Variants in DNAH3 observed in about 807,000 individuals in gnomAD.
The protein encoded by DNAH3 is axonemal beta dynein heavy chain 3.
Under a neutral mutation model 432.5 loss-of-function variants are expected in DNAH3, and 332 were observed. That is an observed-to-expected ratio of 0.77 (90% CI 0.70 to 0.84). The LOEUF (loss-of-function observed/expected upper bound fraction) is 0.84, where lower values mean the gene tolerates loss of function less well. Ranked by LOEUF, DNAH3 falls within the 40% of genes least tolerant of loss-of-function variation. DNAH3 has a pLI of 0.00. For missense variants in DNAH3, 4,861 were observed against 5,114.0 expected (o/e 0.95, Z 1.51); for synonymous variants, 1,956 against 1,900.2 (o/e 1.03, Z -0.76).
intron 8 of DNAH3, among the ~76,000 whole-genome samples, chr16:21,127,252 T>G (rs751442693): frequency 1.4e-4 from 21 of 151,172 alleles, no homozygotes; most frequent in Non-Finnish European, 2.9e-4. Context: ...CAGCTGGACA[T>G]GAAAAAAAGA....
Position 21,005,681 on chromosome 16 carries a change from A to AT in DNAH3, c.6023-2475dup, listed in dbSNP as rs150056370. Among the ~76,000 whole-genome samples, 276 of 145,724 alleles carry AT rather than the reference A, an allele frequency of 1.9e-3. 2 individuals are homozygous for AT. In the East Asian group the frequency reaches 0.029, roughly 16 times the overall value. On this transcript the variant is annotated intron_variant, in intron 41 of 61. Transcript: ENST00000261383. ...GGCATGAGCCACCATGCCCAGCCTC[A>AT]TTTTTTTTTTTTTCCAAGAAGGGGC... is the stretch of plus-strand genomic sequence containing the variant.
rs769968137 is a variant in DNAH3 at position 21,101,412 on chromosome 16, CTA to C, written c.2367-2645_2367-2644del. On this transcript the variant is annotated intron_variant, in intron 16 of 61. Transcript: ENST00000261383. ...ATACATATTTCATATAAATAAATTC[CTA>C]TATATATATCCCAATATATTATATT... Among the ~76,000 whole-genome samples the C allele has an allele frequency of 1.1e-4, 16 of 151,952 alleles. No individual in the cohort carries two copies. The South Asian group carries it at 2.7e-3, about 26-fold the overall frequency.
exon 62 of DNAH3, chr16:20,933,473 G>T: frequency 1.2e-6 from 2 of 1,608,542 alleles, no homozygotes; most frequent in African/African-American, 2.7e-5. Flanking sequence ...CCCATCTTCG[G>T]GGTTATTCTC....
At chr16:20,958,042 C>G (rs2084652996) in intron 54 of DNAH3, among the ~76,000 whole-genome samples, 1 of 150,340 alleles carries the variant, frequency 6.7e-6, no homozygotes. Context: ...AGGCGGGAGG[C>G]AGGACAAATG....
At chr16:21,153,048 C>G (rs1243795500) in intron 1 of DNAH3, among the ~76,000 whole-genome samples, 3 of 152,232 alleles carry the variant, frequency 2.0e-5, no homozygotes, top group Admixed American at 2.0e-4. Flanking sequence ...CTGGGTGAAG[C>G]CAGCTGGGCT....
intron 56 of DNAH3, among the ~76,000 whole-genome samples, chr16:20,952,031 C>T (rs1193605092): frequency 6.6e-6 from 1 of 152,050 alleles, no homozygotes; most frequent in Non-Finnish European, 1.5e-5. Context: ...GCGTGAGCCA[C>T]CACGCCTGGC....
At chr16:21,030,258 C>T (rs1298915015) in intron 37 of DNAH3, among the ~76,000 whole-genome samples, 6 of 152,198 alleles carry the variant, frequency 3.9e-5, no homozygotes, top group Non-Finnish European at 7.3e-5. Flanking sequence ...CAGTTTCAAG[C>T]ATAGCTCTTA....
intron 57 of DNAH3, among the ~76,000 whole-genome samples, chr16:20,947,495 C>T (rs560317012): frequency 5.3e-5 from 8 of 152,246 alleles, no homozygotes; most frequent in African/African-American, 1.9e-4. Context: ...GAGGCTGGGA[C>T]TTGTGACTGG....
At chr16:21,050,886 T>C (rs954532542) in intron 29 of DNAH3, among the ~76,000 whole-genome samples, 1 of 152,222 alleles carries the variant, frequency 6.6e-6, no homozygotes. Flanking sequence ...TGGCCCATGG[T>C]ATGAGTTTCT....
intron 9 of DNAH3, among the ~76,000 whole-genome samples, chr16:21,124,645 C>CTG (rs1567832825): frequency 6.8e-6 from 1 of 146,400 alleles, no homozygotes; most frequent in Non-Finnish European, 1.5e-5. Flanking sequence ...CAAACATTTA[C>CTG]TTTTTTTTTT....
intron 19 of DNAH3, among the ~76,000 whole-genome samples, chr16:21,082,149 C>T (rs1170701686): frequency 6.6e-6 from 1 of 152,028 alleles, no homozygotes; most frequent in Non-Finnish European, 1.5e-5. Flanking sequence ...ATCCTCCCAC[C>T]ATAGCCTCCC....
At position 20,975,419 on chromosome 16, in the gene DNAH3, G is replaced by A. The variant is rs1181385917; in HGVS notation, c.8077-4C>T. On this transcript the variant is annotated splice_region_variant and splice_polypyrimidine_tract_variant and intron_variant, in intron 50 of 61. Coordinates refer to ENST00000261383, the Ensembl canonical transcript of DNAH3. Reference sequence around the variant, plus strand: ...GTTCTCTTTGCATAACCGCTACCTAGCAAGGAGAGAGGTGGGAGAAATCCA... The same window carrying A: ...GTTCTCTTTGCATAACCGCTACCTAACAAGGAGAGAGGTGGGAGAAATCCA... 6.2e-7 allele frequency: 1 copy of A among 1,612,076 alleles called. No homozygotes were observed. Among genetic ancestry groups the A allele is most frequent in the Non-Finnish European group, 8.5e-7 (1 of 1,179,008 alleles).
At chr16:20,952,451 C>A (rs753397200) in exon 56 of DNAH3, 3 of 1,610,362 alleles carry the variant, frequency 1.9e-6, no homozygotes, top group South Asian at 2.2e-5. Context: ...TAGGTCAGAG[C>A]ATCAAAGGGC....
In DNAH3 at chr16:21,020,211, G is replaced by C. The variant is rs1246156214; in HGVS notation, c.5777-342C>G. Among the ~76,000 whole-genome samples, 13 of 149,880 alleles carry C rather than the reference G, an allele frequency of 8.7e-5. No homozygotes were observed. The East Asian group carries it at 2.4e-3, about 27-fold the overall frequency. On this transcript the variant is annotated intron_variant, in intron 40 of 61. Coordinates refer to ENST00000261383, the Ensembl canonical transcript of DNAH3. ...GATTTTTGTATTTTTTTATAGAGAT[G>C]GGGTTTTGCCAGGTTGCCCAGGCTG...
chr16:20,953,997 T>TA, intron 55 of DNAH3, among the ~76,000 whole-genome samples: 1 of 152,144 alleles, frequency 6.6e-6, no homozygotes, highest in East Asian at 2.0e-4. Flanking sequence ...TCTTCCTCTT[T>TA]AAGGTTGATT....
chr16:21,041,969 G>C, intron 32 of DNAH3, 58 bp downstream of exon 32: 1 of 1,599,102 alleles, frequency 6.3e-7, no homozygotes, highest in South Asian at 1.1e-5. Context: ...CGCCACACCC[G>C]GCCCAGAGGT....
In DNAH3 at chr16:21,141,251, T is replaced by A. The variant is rs370372157; in HGVS notation, c.521+49A>T. 4.6e-6 allele frequency: 6 copies of A among 1,318,322 alleles called. No homozygotes were observed. In the African/African-American group the frequency reaches 8.8e-5, roughly 19 times the overall value. The allele number at this position is 1,318,322 out of a possible 1,614,324, so 81.7% of individuals were successfully genotyped here. ...TGGCTTTAGTGAGACCACATCCTTC[T>A]GTTCAGCCCACCGTCCTGCCTTCTC... On this transcript the variant is annotated intron_variant, in intron 4 of 61. Coordinates refer to ENST00000261383, the Ensembl canonical transcript of DNAH3.
At chr16:20,955,168 G>A (rs2084506081) in intron 54 of DNAH3, 111 bp from the exon 55 acceptor site, 15 of 1,024,362 alleles carry the variant, frequency 1.5e-5, no homozygotes, top group South Asian at 4.8e-5. Context: ...TGGGTAACAT[G>A]GTAAAACCCC....
At chr16:21,125,066 C>T in intron 9 of DNAH3, 109 bp downstream of exon 10, 1 of 857,548 alleles carries the variant, frequency 1.2e-6, no homozygotes, top group South Asian at 2.4e-5. Flanking sequence ...TCAAGCATTT[C>T]ACTTTGTGCC....
Sources: gnomAD v4.1 joint callset for allele counts (sites outside exome capture counted in the v4.1 genomes callset) on GRCh38, gnomAD v4.1.1 for gene constraint, MANE v1.5 for transcripts, NCBI Gene and HGNC (gene_info 2026-07-23, HGNC 2026-07-21) for gene names.